HECTD4: variants seen among roughly 807,000 people sequenced by gnomAD.
HECTD4 encodes probable E3 ubiquitin-protein ligase HECTD4.
HECTD4 carries 114 observed loss-of-function variants against 471.5 expected under a neutral mutation model. That is an observed-to-expected ratio of 0.24 (90% CI 0.21 to 0.28). The LOEUF (loss-of-function observed/expected upper bound fraction) is 0.28, where lower values mean the gene tolerates loss of function less well. Among genes scored for constraint, HECTD4 ranks in the 10% least tolerant of loss-of-function variants. The pLI is 1.00. For synonymous variants in HECTD4, 2,012 were observed against 2,256.0 expected (o/e 0.89, Z 3.07); for missense variants, 3,866 against 5,651.5 (o/e 0.68, Z 10.13).
At chr12:112,352,612 T>C (rs774557040) in intron 1 of HECTD4, among the ~76,000 whole-genome samples, 7 of 151,282 alleles carry the variant, frequency 4.6e-5, no homozygotes, top group African/African-American at 9.7e-5. Context: ...ATCATTTTTT[T>C]CCCTTCTTTT....
intron 1 of HECTD4, among the ~76,000 whole-genome samples, chr12:112,338,518 G>A (rs1287386940): frequency 3.9e-5 from 6 of 152,140 alleles, no homozygotes; most frequent in Admixed American, 3.9e-4. Context: ...TTACTCAGGA[G>A]GCTGAGGCAG....
intron 1 of HECTD4, among the ~76,000 whole-genome samples, chr12:112,347,983 G>C (rs773905726): frequency 1.3e-5 from 2 of 152,170 alleles, no homozygotes; most frequent in African/African-American, 4.8e-5. Flanking sequence ...CTTTGCCCCA[G>C]TCTTGAGCAG....
chr12:112,258,589 A>G lies in HECTD4; in HGVS notation c.3035T>C (p.Leu1012Ser). Reference sequence around the variant, plus strand: ...AACCGGACACTGGGTTTTAAGCAGCAACGCCGTCTGAAACACAAAACCATC... The same window carrying G: ...AACCGGACACTGGGTTTTAAGCAGCGACGCCGTCTGAAACACAAAACCATC... Reference protein sequence around the residue: ...QLVLYTSQTALLLKTQCPVFA... With the variant: ...QLVLYTSQTASLLKTQCPVFA... Residue 1012 changes from leucine (L) to serine (S), a missense_variant, in exon 20 of 76, where the codon TTG (leucine) becomes TCG (serine). Physicochemically the swap from Leu to Ser is moderately radical, Grantham distance 145. Around this residue, in one of 16 missense-constraint regions of HECTD4, gnomAD observed 525 missense variants for 672.6 expected, o/e 0.78. Transcript: ENST00000682272. 1 of 1,599,404 alleles carries G rather than the reference A, an allele frequency of 6.3e-7. No homozygotes were observed. Among genetic ancestry groups the G allele is most frequent in the Non-Finnish European group, 8.5e-7 (1 of 1,174,772 alleles).
At chr12:112,197,506 A>AC (rs1296368123) in intron 55 of HECTD4, among the ~76,000 whole-genome samples, 1 of 152,170 alleles carries the variant, frequency 6.6e-6, no homozygotes, top group East Asian at 1.9e-4. Context: ...CTTCTTTAAA[A>AC]CCACTGTGAG....
intron 8 of HECTD4, among the ~76,000 whole-genome samples, chr12:112,281,959 G>A (rs2034651189): frequency 6.6e-6 from 1 of 152,044 alleles, no homozygotes. Context: ...GTTTTTGGGG[G>A]TCATAGATGA....
intron 9 of HECTD4, 114 bp from the exon 10 acceptor site, chr12:112,275,074 TATTGGTGGTA>T (rs1395424754): frequency 1.4e-5 from 9 of 632,470 alleles, no homozygotes; most frequent in South Asian, 4.4e-5. Context: ...TGTTGTTGTG[TATTGGTGGTA>T]ATTGGTGGTA....
At chr12:112,346,607 ACTCTTGG>A (rs1402488548) in intron 1 of HECTD4, among the ~76,000 whole-genome samples, 1 of 152,176 alleles carries the variant, frequency 6.6e-6, no homozygotes, top group African/African-American at 2.4e-5. Context: ...AGTTGAAGCT[ACTCTTGG>A]CTTTCCAGAG....
At chr12:112,257,265 C>T (rs567261544) in intron 20 of HECTD4, among the ~76,000 whole-genome samples, 3 of 152,314 alleles carry the variant, frequency 2.0e-5, no homozygotes, top group South Asian at 4.1e-4. Context: ...TTCAGCTCCT[C>T]AGTCACATTA....
chr12:112,217,785 G>A (rs920662914), intron 45 of HECTD4, among the ~76,000 whole-genome samples: 37 of 152,186 alleles, frequency 2.4e-4, no homozygotes, highest in African/African-American at 8.4e-4. Context: ...CCCCCATGTA[G>A]TTACTGAACA....
At chr12:112,344,929 A>AAGAGAAGAGAAGAGAAG (rs2036120964) in intron 1 of HECTD4, among the ~76,000 whole-genome samples, 1 of 151,624 alleles carries the variant, frequency 6.6e-6, no homozygotes, top group Non-Finnish European at 1.5e-5. Context: ...AAAAAAAGAA[A>AAGAGAAGAGAAGAGAAG]AGAGAAGAGA....
intron 67 of HECTD4, 54 bp from the exon 68 acceptor site, chr12:112,171,317 T>C: frequency 1.3e-6 from 2 of 1,555,466 alleles, no homozygotes; most frequent in Non-Finnish European, 1.7e-6. Context: ...CTGAGATGCC[T>C]GACTCACAGG....
intron 1 of HECTD4, among the ~76,000 whole-genome samples, chr12:112,344,558 G>A (rs1013597154): frequency 6.6e-6 from 1 of 152,174 alleles, no homozygotes; most frequent in African/African-American, 2.4e-5. Context: ...TAGACTGGGG[G>A]GAAGATGGCA....
rs1183587940 is a variant in HECTD4, at chr12:112,166,331, G to C, written c.12534+986C>G. The C allele has an allele frequency of 3.3e-5, 5 of 152,278 alleles. No individual in the cohort carries two copies. The highest frequency in any genetic ancestry group is 7.3e-5 in the Non-Finnish European group (5 of 68,062). 9.4% of individuals were successfully genotyped at this position (152,278 alleles called of 1,614,324 possible). A position where few individuals can be genotyped will look rare whatever the true frequency, so the allele number is the denominator to read the frequency against. The stretch of plus-strand genomic sequence containing the variant: ...AGTGACCCAGGGGGACAATGGCAGA[G>C]ACCAGAGACCTGGCCAGGCAGTGCC... On this transcript the variant is annotated intron_variant, in intron 72 of 75. Coordinates refer to ENST00000682272, the MANE Select transcript of HECTD4 (RefSeq NM_001388303.1). The surrounding 1 kb of genome is among the most constrained non-coding windows in gnomAD (Gnocchi z 4.6).
rs149181242 is a variant in HECTD4 at position 112,314,711 on chromosome 12, C to G, written c.696-165G>C. Among the ~76,000 whole-genome samples the G allele has an allele frequency of 2.1e-3, 325 of 152,322 alleles. 1 individual carries two copies. Among genetic ancestry groups the G allele is most frequent in the Middle Eastern group, 6.8e-3 (2 of 294 alleles). ...AAAAAAATACTTGATTATTAACTAT[C>G]ACCATTGGCTCATACACAAAGATAC... is the stretch of plus-strand genomic sequence containing the variant. On this transcript the variant is annotated intron_variant, in intron 2 of 75. Transcript: ENST00000682272.
chr12:112,256,284 C>G, intron 21 of HECTD4, 36 bp downstream of exon 21: 1 of 1,407,908 alleles, frequency 7.1e-7, no homozygotes, highest in South Asian at 1.6e-5. Context: ...TCAGCTTACT[C>G]GAGGTGGAAC....
chr12:112,229,057 T>A (rs1392296301), intron 41 of HECTD4, among the ~76,000 whole-genome samples: 1 of 152,180 alleles, frequency 6.6e-6, no homozygotes, highest in Admixed American at 6.5e-5. Flanking sequence ...CCAGGTGTGG[T>A]GGCTCATGCC....
rs899280255 is a variant in HECTD4 at position 112,188,342 on chromosome 12, TG to T, written c.9472+2443del. Among the ~76,000 whole-genome samples, 7 of 152,106 alleles carry T rather than the reference TG, an allele frequency of 4.6e-5. No homozygotes were observed. Among genetic ancestry groups the T allele is most frequent in the Non-Finnish European group, 8.8e-5 (6 of 68,014 alleles). On this transcript the variant is annotated intron_variant, in intron 60 of 75. Transcript: ENST00000682272. This position sits in a 1 kb window ranked among gnomAD's most constrained non-coding sequence, Gnocchi z 4.2. ...TGCTGACAGGCACAATTTGTGGACA[TG>T]GAAACAATCATATAATGGTGGCATG...
chr12:112,284,798 T>C (rs1179382937), intron 7 of HECTD4, among the ~76,000 whole-genome samples: 1 of 152,102 alleles, frequency 6.6e-6, no homozygotes, highest in Non-Finnish European at 1.5e-5. Flanking sequence ...GATTCCTTAG[T>C]GTTGGTGGCA....
At chr12:112,233,618 A>C (rs1379498170) in intron 37 of HECTD4, among the ~76,000 whole-genome samples, 1 of 152,168 alleles carries the variant, frequency 6.6e-6, no homozygotes, top group Non-Finnish European at 1.5e-5. Flanking sequence ...TAGGGCCCAA[A>C]ACAACAGCGT....
Sources: allele counts gnomAD v4.1 joint callset (sites outside exome capture counted in the v4.1 genomes callset), GRCh38; gene constraint gnomAD v4.1.1; regional missense constraint gnomAD v4.1.1; non-coding constraint Gnocchi (gnomAD v3.1); transcripts MANE v1.5; gene names NCBI Gene and HGNC (gene_info 2026-07-23, HGNC 2026-07-21).